Variants in CHD1L observed in about 807,000 individuals in gnomAD.
The protein encoded by CHD1L is chromodomain helicase DNA binding protein 1 like.
Under a neutral mutation model 115.9 loss-of-function variants are expected in CHD1L, and 118 were observed. The ratio of observed to expected loss-of-function variants is 1.02; its 90% CI spans 0.88 to 1.19. The LOEUF is 1.19. Ranked by LOEUF, CHD1L falls within the 50% of genes most tolerant of loss-of-function variation. The pLI, the probability that CHD1L is intolerant of heterozygous loss-of-function variation, is 0.00. For synonymous variants in CHD1L, 411 were observed against 387.1 expected, an observed-to-expected ratio of 1.06 and a Z score of -0.72; for missense variants, 1,179 against 1,065.3, an observed-to-expected ratio of 1.11 and a Z score of -1.49.
chr1:147,260,874 G>C (rs1410374344), intron 6 of CHD1L: 1 of 152,190 alleles, frequency 6.6e-6, no homozygotes, highest in Non-Finnish European at 1.5e-5. Flanking sequence ...CGAGGAGTCA[G>C]TGCGATGTGA....
intron 10 of CHD1L, 96 bp downstream of exon 10, chr1:147,268,974 T>TA: frequency 1.4e-6 from 1 of 711,576 alleles, no homozygotes; most frequent in Non-Finnish European, 2.0e-6. Context: ...ATTCCAGTTT[T>TA]CTTTTTTTTC....
chr1:147,200,472 T>G, the CHD1L span, among the ~76,000 whole-genome samples: 12 of 152,168 alleles, frequency 7.9e-5, no homozygotes. Flanking sequence ...AGGTGTGGTC[T>G]GGCCAGTTTA....
intron 13 of CHD1L, 26 bp from the exon 14 acceptor site, chr1:147,276,078 A>C: frequency 6.2e-7 from 1 of 1,613,042 alleles, no homozygotes; most frequent in Non-Finnish European, 8.5e-7. Context: ...CTTATAGCAC[A>C]CTACCCTTGT....
chr1:147,285,923 C>G (rs1421377848), intron 17 of CHD1L, among the ~76,000 whole-genome samples: 1 of 152,106 alleles, frequency 6.6e-6, no homozygotes, highest in Non-Finnish European at 1.5e-5. Flanking sequence ...GTCTCAAGAT[C>G]CTAGGCCCAA....
intron 6 of CHD1L, among the ~76,000 whole-genome samples, chr1:147,261,719 A>C (rs1011198337): frequency 8.6e-5 from 13 of 151,450 alleles, no homozygotes; most frequent in African/African-American, 3.2e-4. Context: ...ATTCATAAGG[A>C]AACTAAGGCT....
At chr1:147,293,392 G>A (rs902017144) in intron 20 of CHD1L, among the ~76,000 whole-genome samples, 7 of 152,064 alleles carry the variant, frequency 4.6e-5, no homozygotes, top group Non-Finnish European at 8.8e-5. Flanking sequence ...TTAAAAAGAA[G>A]AAGAAAACCC....
At chr1:147,201,514 G>T in the CHD1L span, 1 of 1,587,966 alleles carries the variant, frequency 6.3e-7, no homozygotes, top group Non-Finnish European at 8.6e-7. Flanking sequence ...TCTGTGAGTC[G>T]TGACAAAGAT....
At chr1:147,294,646 G>A in intron 22 of CHD1L, 129 bp downstream of exon 22, 1 of 600,626 alleles carries the variant, frequency 1.7e-6, no homozygotes, top group Middle Eastern at 2.7e-4. Context: ...CCCCTCTTCA[G>A]TGAGACAAAG....
At chr1:147,260,956 A>G (rs868943850) in intron 6 of CHD1L, 1 of 152,202 alleles carries the variant, frequency 6.6e-6, no homozygotes, top group Non-Finnish European at 1.5e-5. Context: ...CTGTGATGAT[A>G]ATTGAAGTTT....
chr1:147,239,887 G>C (rs1664716537), upstream of CHD1L, among the ~76,000 whole-genome samples: 1 of 152,184 alleles, frequency 6.6e-6, no homozygotes, highest in Non-Finnish European at 1.5e-5. Flanking sequence ...ATCTAGAGGA[G>C]AGGAAATAAG....
chr1:147,277,688 C>T (rs1553958800), intron 14 of CHD1L, among the ~76,000 whole-genome samples: 2 of 152,020 alleles, frequency 1.3e-5, no homozygotes, highest in African/African-American at 2.4e-5. Context: ...CACTAAGAGA[C>T]AATTATAAAT....
At chr1:147,203,728 A>G in the CHD1L span, 413 of 1,533,074 alleles carry the variant, frequency 2.7e-4, 1 homozygote, top group South Asian at 1.6e-3. Flanking sequence ...TATCCCTTGT[A>G]AGAACTTTGA....
the CHD1L span, chr1:147,204,368 A>C: frequency 9.7e-7 from 1 of 1,032,284 alleles, no homozygotes; most frequent in Admixed American, 1.7e-5. Context: ...GGAAAAATAG[A>C]TACGCATGCC....
chr1:147,293,140 T>G (rs1686219412), intron 20 of CHD1L, among the ~76,000 whole-genome samples: 1 of 152,040 alleles, frequency 6.6e-6, no homozygotes, highest in South Asian at 2.1e-4. Context: ...GCTCGCCCAC[T>G]TAGGTTAGGA....
chr1:147,226,320 C>A, the CHD1L span, among the ~76,000 whole-genome samples: 1 of 152,026 alleles, frequency 6.6e-6, no homozygotes, highest in Non-Finnish European at 1.5e-5. Flanking sequence ...ACTTTTAAAT[C>A]CCCATGCACT....
the CHD1L span, among the ~76,000 whole-genome samples, chr1:147,213,073 A>G: frequency 6.6e-6 from 1 of 152,152 alleles, no homozygotes; most frequent in South Asian, 2.1e-4. Flanking sequence ...GTCATTTGAT[A>G]CAATGACTAA....
chr1:147,242,908 G>A (rs782783507), intron 1 of CHD1L, 78 bp downstream of exon 1: 13 of 1,232,584 alleles, frequency 1.1e-5, no homozygotes, highest in Non-Finnish European at 1.3e-5. Context: ...GGGCGCAGCG[G>A]GTGGGCCGCC....
intron 14 of CHD1L, among the ~76,000 whole-genome samples, chr1:147,276,494 C>A (rs1054329199): frequency 3.3e-5 from 5 of 152,148 alleles, no homozygotes; most frequent in African/African-American, 1.2e-4. Context: ...CTTCTTAGAT[C>A]TACTCTTTTT....
the CHD1L span, among the ~76,000 whole-genome samples, chr1:147,236,559 G>A: frequency 6.6e-6 from 1 of 152,132 alleles, no homozygotes; most frequent in Non-Finnish European, 1.5e-5. Context: ...CCCATTGAGT[G>A]TTCAGTTCTC....
Sources: allele counts gnomAD v4.1 joint callset (sites outside exome capture counted in the v4.1 genomes callset), GRCh38; gene constraint gnomAD v4.1.1; transcripts MANE v1.5; gene names NCBI Gene and HGNC (gene_info 2026-07-23, HGNC 2026-07-21).